The following PDE6C variants were observed in gnomAD, a reference collection of about 807,000 sequenced individuals.
PDE6C encodes phosphodiesterase 6C.
In PDE6C, 75 loss-of-function variants were observed where a neutral mutation model predicts 113.1. That is an observed-to-expected ratio of 0.66 (90% CI 0.55 to 0.80). The LOEUF is 0.80. Among genes scored for constraint, PDE6C ranks in the 30% least tolerant of loss-of-function variants. The pLI, the probability that PDE6C is intolerant of heterozygous loss-of-function variation, is 0.00. For synonymous variants in PDE6C, 375 were observed against 363.7 expected (o/e 1.03, Z -0.35); for missense variants, 912 against 1,038.6 (o/e 0.88, Z 1.67).
At position 93,652,775 on chromosome 10, in the gene PDE6C, C is replaced by T. The variant is rs554591091; in HGVS notation, c.1936-2985C>T. ...GTCCAGGTTTACATTAAGCAATATG[C>T]ACTAAAACAATTGGTGCATAATAAA... On this transcript the variant is annotated intron_variant, in intron 15 of 21. Coordinates refer to ENST00000371447, the MANE Select transcript of PDE6C (RefSeq NM_006204.4). Among the ~76,000 whole-genome samples the T allele has an allele frequency of 5.9e-5, 9 of 152,208 alleles. No homozygotes were observed. The East Asian group carries it at 1.7e-3, about 29-fold the overall frequency.
At chr10:93,661,476 A>G (rs542094599) in intron 18 of PDE6C, among the ~76,000 whole-genome samples, 1 of 152,338 alleles carries the variant, frequency 6.6e-6, no homozygotes, top group East Asian at 1.9e-4. Context: ...ACCACACTGT[A>G]TACATGACTG....
rs371257743 is a variant in PDE6C at position 93,658,627 on chromosome 10, C to T, written c.2037-274C>T. Among the ~76,000 whole-genome samples the T allele has an allele frequency of 7.9e-5, 12 of 151,948 alleles. No individual in the cohort carries two copies. In the East Asian group the frequency reaches 9.7e-4, roughly 12 times the overall value. On this transcript the variant is annotated intron_variant, in intron 16 of 21. Transcript: ENST00000371447. Reference sequence around the variant, plus strand: ...CACCCGGCCTTATATGTAACTTTTTCGTTGTAATGTATTCCAAGTTACCTG... The same window carrying T: ...CACCCGGCCTTATATGTAACTTTTTTGTTGTAATGTATTCCAAGTTACCTG...
At chr10:93,642,254 C>T (rs2058563687) in intron 14 of PDE6C, among the ~76,000 whole-genome samples, 1 of 152,086 alleles carries the variant, frequency 6.6e-6, no homozygotes, top group South Asian at 2.1e-4. Context: ...GTCTCAGCTA[C>T]TTGAGAGGGT....
In PDE6C at chr10:93,658,205, GA is replaced by G. The variant is rs1399325823; in HGVS notation, c.2037-692del. ...AAAAAAAAAAAAAGAAAAAGAAAAA[GA>G]AAAGAAAGAAAGAAAGAAAGAAAAA... On this transcript the variant is annotated intron_variant, in intron 16 of 21. Coordinates refer to ENST00000371447, the MANE Select transcript of PDE6C (RefSeq NM_006204.4). Among the ~76,000 whole-genome samples, 28 of 118,276 alleles carry G rather than the reference GA, an allele frequency of 2.4e-4. No individual in the cohort carries two copies. In the East Asian group the frequency reaches 4.3e-3, roughly 18 times the overall value. 77.6% of individuals were successfully genotyped at this position (118,276 alleles called of 152,430 possible). A position where few individuals can be genotyped will look rare whatever the true frequency, so the allele number is the denominator to read the frequency against.
chr10:93,654,790 CT>C (rs1170022413), intron 15 of PDE6C, among the ~76,000 whole-genome samples: 15 of 69,062 alleles, frequency 2.2e-4, no homozygotes, highest in African/African-American at 6.7e-4. Context: ...TTCTTTCTTT[CT>C]TTCTTTCTTT....
intron 15 of PDE6C, among the ~76,000 whole-genome samples, chr10:93,650,444 T>C (rs975178403): frequency 6.6e-6 from 1 of 152,148 alleles, no homozygotes; most frequent in Non-Finnish European, 1.5e-5. Flanking sequence ...AATGCATTCT[T>C]GCTGTGTTGC....
At chr10:93,664,334 T>C (rs1243071422) in intron 21 of PDE6C, among the ~76,000 whole-genome samples, 1 of 152,168 alleles carries the variant, frequency 6.6e-6, no homozygotes, top group African/African-American at 2.4e-5. Flanking sequence ...TAAGAAAATA[T>C]GTACAAAGGC....
At chr10:93,642,126 G>A (rs1217078610) in intron 14 of PDE6C, among the ~76,000 whole-genome samples, 4 of 152,174 alleles carry the variant, frequency 2.6e-5, no homozygotes, top group Non-Finnish European at 4.4e-5. Flanking sequence ...AGCACTTTGG[G>A]AGGCTGAGGA....
rs925939510 is a variant in PDE6C, at chr10:93,640,962, G to T, written c.1780G>T (p.Ala594Ser). Reference sequence around the variant, plus strand: ...GTACTACACAGATCTCGAAGCCTTTGCCATGCTTGCTGCTGCTTTCTGCCA... The same window carrying T: ...GTACTACACAGATCTCGAAGCCTTTTCCATGCTTGCTGCTGCTTTCTGCCA... ...KKYYTDLEAF[A>S]MLAAAFCHDI... The change falls in exon 14 of 22, where the codon GCC becomes TCC. Residue 594 changes from alanine to serine, a missense_variant. By Grantham distance (99) the Ala-to-Ser change is moderately conservative (BLOSUM62 1). Coordinates refer to ENST00000371447, the MANE Select transcript of PDE6C (RefSeq NM_006204.4). The T allele has an allele frequency of 4.3e-6, 7 of 1,613,312 alleles. No individual in the cohort carries two copies. Among genetic ancestry groups the T allele is most frequent in the Non-Finnish European group, 5.9e-6 (7 of 1,179,334 alleles).
chr10:93,612,558 G>A lies in PDE6C; in HGVS notation c.-168G>A. 2 of 844,728 alleles carry A rather than the reference G, an allele frequency of 2.4e-6. No homozygotes were observed. Among genetic ancestry groups the A allele is most frequent in the Admixed American group, 2.0e-5 (1 of 50,562 alleles). 52.3% of individuals were successfully genotyped at this position (844,728 alleles called of 1,614,324 possible). On this transcript the variant is annotated 5_prime_UTR_variant, in exon 1 of 22. Coordinates refer to ENST00000371447, the MANE Select transcript of PDE6C (RefSeq NM_006204.4). ...TTCTGTCACATCCCAAGAGTTACAG[G>A]CAGTTTGAAAGCTCTGCTTTCTGCT... is the stretch of plus-strand genomic sequence containing the variant.
intron 6 of PDE6C, 37 bp from the exon 7 acceptor site, chr10:93,626,768 C>G: frequency 1.2e-6 from 2 of 1,604,646 alleles, no homozygotes; most frequent in East Asian, 2.2e-5. Context: ...TTGCATTTCT[C>G]TATATTGCAA....
chr10:93,617,242 G>T (rs1037909247), intron 1 of PDE6C, among the ~76,000 whole-genome samples: 1 of 152,090 alleles, frequency 6.6e-6, no homozygotes, highest in African/African-American at 2.4e-5. Context: ...AAGAAACTTC[G>T]CTAAGGATTT....
In PDE6C at chr10:93,640,938, T is replaced by C. The variant is rs2058556624; in HGVS notation, c.1756T>C (p.Tyr586His). Residue 586 changes from tyrosine to histidine, a missense_variant, in exon 14 of 22, where the codon TAC (tyrosine) becomes CAC (histidine). Tyr to His is a moderately conservative substitution (Grantham distance 83). Transcript: ENST00000371447. ...TLLMTGRLKKYYTDLEAFAML... is the reference protein window; with the variant it reads ...TLLMTGRLKKHYTDLEAFAML... Reference sequence around the variant, plus strand: ...TTTTTAGACAGGAAGATTAAAGAAGTACTACACAGATCTCGAAGCCTTTGC... The same window carrying C: ...TTTTTAGACAGGAAGATTAAAGAAGCACTACACAGATCTCGAAGCCTTTGC... 1.2e-6 allele frequency: 2 copies of C among 1,607,094 alleles called. No individual in the cohort carries two copies. Among genetic ancestry groups the C allele is most frequent in the Middle Eastern group, 1.7e-4 (1 of 6,046 alleles).
intron 10 of PDE6C, 119 bp downstream of exon 10, chr10:93,635,759 G>C: frequency 9.3e-7 from 1 of 1,076,224 alleles, no homozygotes; most frequent in Non-Finnish European, 1.4e-6. Context: ...CTGAGAGAGA[G>C]AGACAGGGAA....
At chr10:93,634,632 T>C in intron 8 of PDE6C, 126 bp from the exon 9 acceptor site, 1 of 896,392 alleles carries the variant, frequency 1.1e-6, no homozygotes, top group Admixed American at 2.1e-5. Context: ...TCATTACCAT[T>C]GTGTGAAACT....
chr10:93,627,236 T>C (rs921144391), intron 7 of PDE6C, among the ~76,000 whole-genome samples: 4 of 99,210 alleles, frequency 4.0e-5, no homozygotes, highest in African/African-American at 1.7e-4. Flanking sequence ...CACTCCAGCC[T>C]GGGCAACAAA....
chr10:93,619,000 T>C (rs2058433298), intron 1 of PDE6C, among the ~76,000 whole-genome samples: 1 of 152,062 alleles, frequency 6.6e-6, no homozygotes, highest in South Asian at 2.1e-4. Flanking sequence ...GGCCAACGAG[T>C]CTCAGAGTTA....
In PDE6C at chr10:93,626,674, T is replaced by C. The variant is rs547283077; in HGVS notation, c.974T>C (p.Leu325Ser). ...VNFYKIIDYI[L>S]HGKEEIKVIP... Reference sequence around the variant, plus strand: ...TTTTATAAAATCATTGATTACATTTTACATGGAAAAGAAGAGATCAAAGTG... The same window carrying C: ...TTTTATAAAATCATTGATTACATTTCACATGGAAAAGAAGAGATCAAAGTG... The change falls in exon 6 of 22, where the codon TTA (leucine) becomes TCA (serine). Residue 325 changes from leucine (L) to serine (S), a missense_variant. Physicochemically the swap from Leu to Ser is moderately radical, Grantham distance 145 (BLOSUM62 -2). Transcript: ENST00000371447. 6.3e-6 allele frequency: 10 copies of C among 1,598,710 alleles called. 1 individual carries two copies. In the South Asian group the frequency reaches 1.1e-4, roughly 18 times the overall value.
chr10:93,654,534 G>A (rs2058623911), intron 15 of PDE6C, among the ~76,000 whole-genome samples: 1 of 152,136 alleles, frequency 6.6e-6, no homozygotes, highest in East Asian at 1.9e-4. Context: ...ATTATTTGGT[G>A]TTCAGGACAG....
Sources: gnomAD v4.1 joint callset for allele counts (sites outside exome capture counted in the v4.1 genomes callset) on GRCh38, gnomAD v4.1.1 for gene constraint, MANE v1.5 for transcripts, NCBI Gene and HGNC (gene_info 2026-07-23, HGNC 2026-07-21) for gene names.